Variants in DISC1 observed in about 807,000 individuals in gnomAD.
The protein encoded by DISC1 is DISC1 scaffold protein, also known as disrupted in schizophrenia 1 protein.
DISC1 carries 57 observed loss-of-function variants against 84.5 expected under a neutral mutation model. The ratio of observed to expected loss-of-function variants is 0.67; its 90% CI spans 0.55 to 0.84. The LOEUF (loss-of-function observed/expected upper bound fraction) is 0.84. Among genes scored for constraint, DISC1 ranks in the 40% least tolerant of loss-of-function variants. The probability of loss-of-function intolerance (pLI) is 0.00; values close to 1 mark genes in which losing one functional copy is unlikely to be tolerated. For synonymous variants in DISC1, 411 were observed against 415.2 expected (o/e 0.99, Z 0.12); for missense variants, 1,000 against 1,057.8 (o/e 0.95, Z 0.76).
chr1:231,727,023 C>T (rs202070361), intron 3 of DISC1, among the ~76,000 whole-genome samples: 28 of 152,072 alleles, frequency 1.8e-4, no homozygotes, highest in Non-Finnish European at 3.7e-4. Flanking sequence ...GTAATGCAGT[C>T]AGTACTTGGT....
intron 9 of DISC1, among the ~76,000 whole-genome samples, chr1:231,843,524 C>T (rs574073799): frequency 7.9e-5 from 12 of 152,262 alleles, no homozygotes; most frequent in South Asian, 4.2e-4. Flanking sequence ...ACACTGGGCA[C>T]GAGGGCCATC....
In DISC1 at chr1:231,668,466, G is replaced by A. The variant is rs115825915; in HGVS notation, c.68-25360G>A. On this transcript the variant is annotated intron_variant, in intron 1 of 12. Coordinates refer to ENST00000439617, the MANE Select transcript of DISC1 (RefSeq NM_018662.3). The stretch of plus-strand genomic sequence containing the variant: ...ACCTCAAGCGGCCATTCCTGTCCAG[G>A]TGTGGGATGTGCAACACAGTGGTCC... Among the ~76,000 whole-genome samples the A allele has an allele frequency of 2.5e-3, 379 of 152,268 alleles. 6 individuals carry two copies. The highest frequency in any genetic ancestry group is 8.6e-3 in the African/African-American group (358 of 41,534).
At chr1:232,032,259 G>A (rs1670118096) in intron 12 of DISC1, among the ~76,000 whole-genome samples, 1 of 152,156 alleles carries the variant, frequency 6.6e-6, no homozygotes, top group Non-Finnish European at 1.5e-5. Flanking sequence ...ACCTAAATTT[G>A]ACTAAGCCAT....
intron 6 of DISC1, among the ~76,000 whole-genome samples, chr1:231,791,899 A>T (rs2078378980): frequency 6.6e-6 from 1 of 152,158 alleles, no homozygotes; most frequent in Non-Finnish European, 1.5e-5. Context: ...TGGGGGACTA[A>T]TGTGACATCT....
intron 1 of DISC1, among the ~76,000 whole-genome samples, chr1:231,689,744 G>T (rs1572899): frequency 0.015 from 2,245 of 152,104 alleles, 53 homozygotes; most frequent in African/African-American, 0.052. Flanking sequence ...CTGTAAACTA[G>T]GATTGTTTTA....
At chr1:231,884,121 C>T (rs2086492507) in intron 9 of DISC1, among the ~76,000 whole-genome samples, 1 of 152,118 alleles carries the variant, frequency 6.6e-6, no homozygotes. Flanking sequence ...CCCGGCCACT[C>T]AGTGCGGGGT....
intron 6 of DISC1, among the ~76,000 whole-genome samples, chr1:231,794,499 T>G (rs2078605372): frequency 6.6e-6 from 1 of 152,178 alleles, no homozygotes; most frequent in Non-Finnish European, 1.5e-5. Context: ...CTCTACTAGG[T>G]AACAACCTTC....
At chr1:232,001,764 ATATAAAAC>A (rs568666696) in intron 10 of DISC1, among the ~76,000 whole-genome samples, 248 of 152,306 alleles carry the variant, frequency 1.6e-3, no homozygotes, top group Middle Eastern at 3.4e-3. Flanking sequence ...TAATTGTAAA[ATATAAAAC>A]TATAAAACTT....
chr1:231,683,959 G>A (rs577582865), intron 1 of DISC1, among the ~76,000 whole-genome samples: 7 of 151,952 alleles, frequency 4.6e-5, no homozygotes, highest in South Asian at 4.2e-4. Flanking sequence ...TCTCTCCACC[G>A]GCAATGACCT....
chr1:231,774,286 G>A (rs2076788422), intron 6 of DISC1, among the ~76,000 whole-genome samples: 1 of 152,048 alleles, frequency 6.6e-6, no homozygotes, highest in African/African-American at 2.4e-5. Flanking sequence ...AGGACGAAGA[G>A]TTTCATGGGA....
chr1:231,633,955 C>A (rs934380994), intron 1 of DISC1, among the ~76,000 whole-genome samples: 11 of 147,338 alleles, frequency 7.5e-5, no homozygotes, highest in African/African-American at 2.8e-4. Context: ...GCAGTCTTGG[C>A]TCACTGCAAC....
intron 3 of DISC1, chr1:231,745,497 C>T: frequency 4.3e-6 from 1 of 230,874 alleles, no homozygotes; most frequent in South Asian, 4.3e-5. Flanking sequence ...GCTGGGATTA[C>T]AGGTATGAGC....
intron 1 of DISC1, among the ~76,000 whole-genome samples, chr1:231,660,063 G>T (rs1474711925): frequency 1.3e-5 from 2 of 152,132 alleles, no homozygotes; most frequent in African/African-American, 4.8e-5. Context: ...AATATTGTCA[G>T]TGGGTTGTTA....
At chr1:231,628,523 C>T (rs539115961) in intron 1 of DISC1, among the ~76,000 whole-genome samples, 1 of 152,336 alleles carries the variant, frequency 6.6e-6, no homozygotes, top group African/African-American at 2.4e-5. Context: ...ATCCTCCCTG[C>T]ATCTTTATGG....
chr1:231,702,389 C>T (rs2066533017), intron 3 of DISC1: 1 of 1,006,402 alleles, frequency 9.9e-7, no homozygotes, highest in Middle Eastern at 5.0e-4. Context: ...ATATGGGAGA[C>T]AATAGGAAAG....
chr1:232,005,021 CCTCCCTCA>C (rs1667227197), intron 10 of DISC1, among the ~76,000 whole-genome samples: 3 of 122,974 alleles, frequency 2.4e-5, no homozygotes, highest in Admixed American at 7.6e-5. Context: ...TCCCTCTCTC[CCTCCCTCA>C]CTCCCTCCCT....
Position 231,770,327 on chromosome 1 carries a change from C to T in DISC1, c.1399-508C>T, listed in dbSNP as rs115810041. 3.3e-3 allele frequency among the ~76,000 whole-genome samples: 505 copies of T among 152,254 alleles called. 1 individual carries two copies. The highest frequency in any genetic ancestry group is 0.012 in the African/African-American group (482 of 41,548). On this transcript the variant is annotated intron_variant, in intron 5 of 12. Coordinates refer to ENST00000439617, the MANE Select transcript of DISC1 (RefSeq NM_018662.3). ...TTTTCATGAACTTTAGACTGCATGGCACCATCTGCAGCATCTCATTCTTCT... is the reference window on the plus strand; with the variant it reads ...TTTTCATGAACTTTAGACTGCATGGTACCATCTGCAGCATCTCATTCTTCT...
intron 11 of DISC1, among the ~76,000 whole-genome samples, chr1:232,020,013 C>T (rs1342717779): frequency 2.0e-5 from 3 of 152,152 alleles, no homozygotes; most frequent in Non-Finnish European, 4.4e-5. Context: ...CTGTTTGCTT[C>T]TCTGATTTCT....
chr1:231,875,715 C>T (rs1244814535), intron 9 of DISC1, among the ~76,000 whole-genome samples: 1 of 152,196 alleles, frequency 6.6e-6, no homozygotes, highest in Non-Finnish European at 1.5e-5. Context: ...TTTTCACTCT[C>T]CTGTCTGGTG....
Sources: gnomAD v4.1 joint callset for allele counts (sites outside exome capture counted in the v4.1 genomes callset) on GRCh38, gnomAD v4.1.1 for gene constraint, MANE v1.5 for transcripts, NCBI Gene and HGNC (gene_info 2026-07-23, HGNC 2026-07-21) for gene names.